Variants in NAV2 observed in about 807,000 individuals in gnomAD.
The protein encoded by NAV2 is neuron navigator 2, also known as helicase, APC down-regulated 1.
In NAV2, 54 loss-of-function variants were observed where a neutral mutation model predicts 223.2. That is an observed-to-expected ratio of 0.24 (90% CI 0.19 to 0.30). The LOEUF (loss-of-function observed/expected upper bound fraction) is 0.30, where lower values mean the gene tolerates loss of function less well. Among genes scored for constraint, NAV2 ranks in the 10% least tolerant of loss-of-function variants. The pLI is 1.00. For missense variants in NAV2, 2,806 were observed against 3,147.5 expected (o/e 0.89, Z 2.60); for synonymous variants, 1,279 against 1,239.3 (o/e 1.03, Z -0.67).
At chr11:19,519,271 G>A (rs1312774128) in intron 1 of NAV2, among the ~76,000 whole-genome samples, 2 of 151,694 alleles carry the variant, frequency 1.3e-5, no homozygotes, top group African/African-American at 4.8e-5. Context: ...CTTCCCAGGT[G>A]CCTGGATAAA....
intron 11 of NAV2, among the ~76,000 whole-genome samples, chr11:20,034,252 C>CT (rs2056102910): frequency 9.7e-6 from 1 of 103,394 alleles, no homozygotes; most frequent in Non-Finnish European, 2.1e-5. Context: ...CAATAATACC[C>CT]TTTTCCCCTA....
At chr11:20,106,575 T>C (rs1010577424) in intron 35 of NAV2, among the ~76,000 whole-genome samples, 13 of 130,596 alleles carry the variant, frequency 1.0e-4, no homozygotes, top group Non-Finnish European at 1.8e-4. Context: ...AAAAAAAAAA[T>C]CCTTTTTCAT....
chr11:19,976,247 T>C (rs1314006042), intron 10 of NAV2, among the ~76,000 whole-genome samples: 1 of 152,104 alleles, frequency 6.6e-6, no homozygotes, highest in East Asian at 1.9e-4. Context: ...GTCTCGGATA[T>C]TGCTTTTTAA....
In NAV2 at chr11:19,832,094, C is replaced by T. The variant is rs567427425; in HGVS notation, c.268-390C>T. On this transcript the variant is annotated intron_variant, in intron 1 of 37. Transcript: ENST00000349880. The stretch of plus-strand genomic sequence containing the variant: ...CCTGTTGGGTGGTAACCTCCCCATA[C>T]GTTTTCTCAATAAAGAGAAAAAGAT... Among the ~76,000 whole-genome samples, 576 of 152,200 alleles carry T rather than the reference C, an allele frequency of 3.8e-3. 1 individual carries two copies. The highest frequency in any genetic ancestry group is 0.013 in the African/African-American group (550 of 41,528).
intron 1 of NAV2, among the ~76,000 whole-genome samples, chr11:19,650,330 C>T (rs886619985): frequency 1.1e-4 from 16 of 152,124 alleles, no homozygotes; most frequent in African/African-American, 3.9e-4. Context: ...GTTAGGCTGC[C>T]ACAAGCCAAG....
chr11:19,781,042 T>C (rs1474398531), intron 1 of NAV2, among the ~76,000 whole-genome samples: 1 of 152,222 alleles, frequency 6.6e-6, no homozygotes, highest in Non-Finnish European at 1.5e-5. Context: ...ACTTTGAGCT[T>C]TATGTGTATG....
chr11:19,693,450 AT>A (rs1172299921), intron 1 of NAV2, among the ~76,000 whole-genome samples: 3 of 152,244 alleles, frequency 2.0e-5, no homozygotes, highest in African/African-American at 7.2e-5. Context: ...TGTACCATAA[AT>A]ATACCATAGC....
intron 1 of NAV2, among the ~76,000 whole-genome samples, chr11:19,818,990 C>G (rs1396310424): frequency 1.3e-5 from 2 of 152,184 alleles, no homozygotes; most frequent in Admixed American, 6.5e-5. Flanking sequence ...TCCATCTGAA[C>G]ATTCACCAGT....
chr11:19,598,759 C>T (rs933363758), intron 1 of NAV2, among the ~76,000 whole-genome samples: 1 of 152,158 alleles, frequency 6.6e-6, no homozygotes, highest in Admixed American at 6.5e-5. Flanking sequence ...AAGCTTTTGA[C>T]CAGTAGGTTA....
At chr11:19,808,326 A>G (rs566116164) in intron 1 of NAV2, among the ~76,000 whole-genome samples, 1 of 152,278 alleles carries the variant, frequency 6.6e-6, no homozygotes, top group Non-Finnish European at 1.5e-5. Flanking sequence ...TCAGCTCCTG[A>G]CTAGGAGCTG....
intron 8 of NAV2, among the ~76,000 whole-genome samples, chr11:19,944,070 G>A (rs1421321331): frequency 6.6e-6 from 1 of 152,034 alleles, no homozygotes; most frequent in African/African-American, 2.4e-5. Flanking sequence ...GTGTGGTGGC[G>A]GGCGCCTGTT....
rs988798935 is a variant in NAV2, at chr11:19,383,235, C to T, written c.75+32208C>T. 2.0e-5 allele frequency among the ~76,000 whole-genome samples: 3 copies of T among 152,126 alleles called. No homozygotes were observed. The East Asian group carries it at 5.8e-4, about 29-fold the overall frequency. On this transcript the variant is annotated intron_variant, in intron 1 of 37. Transcript: ENST00000360655. ...TGTGGCCATGTCAATGAATTCTAGC[C>T]AACAAAATATGAGCAGAAGAGCTGT...
chr11:19,973,874 G>A (rs1432538252), intron 10 of NAV2, among the ~76,000 whole-genome samples: 1 of 152,124 alleles, frequency 6.6e-6, no homozygotes. Flanking sequence ...GCTCCCTCTT[G>A]CCACTTGCCA....
intron 1 of NAV2, among the ~76,000 whole-genome samples, chr11:19,759,480 A>G (rs1223422487): frequency 6.6e-6 from 1 of 152,198 alleles, no homozygotes; most frequent in Non-Finnish European, 1.5e-5. Context: ...AGTGTTAGGA[A>G]AAATAGTCGG....
intron 1 of NAV2, among the ~76,000 whole-genome samples, chr11:19,632,483 C>A (rs2047375287): frequency 6.6e-6 from 1 of 152,094 alleles, no homozygotes; most frequent in East Asian, 1.9e-4. Flanking sequence ...TTTGATTATT[C>A]AACGAGCTTT....
intron 1 of NAV2, among the ~76,000 whole-genome samples, chr11:19,772,655 A>G (rs1488713909): frequency 6.6e-6 from 1 of 152,172 alleles, no homozygotes; most frequent in Admixed American, 6.5e-5. Flanking sequence ...GGGGTGCCAC[A>G]GTGCTTCTGA....
At chr11:20,062,138 T>C (rs1182320459) in intron 19 of NAV2, among the ~76,000 whole-genome samples, 169 bp from the exon 20 acceptor site, 2 of 152,218 alleles carry the variant, frequency 1.3e-5, no homozygotes, top group Non-Finnish European at 2.9e-5. Flanking sequence ...TAGCAAACTA[T>C]TACTTATTTG....
chr11:19,650,093 A>G (rs1001670773), intron 1 of NAV2, among the ~76,000 whole-genome samples: 3 of 152,236 alleles, frequency 2.0e-5, no homozygotes, highest in African/African-American at 7.2e-5. Context: ...AAAAAGATAT[A>G]TTGAAGTCCT....
In NAV2 at chr11:20,118,078, G is replaced by C. The variant is rs1177770135; in HGVS notation, c.7165-55G>C. ...GGTGGCATGACCTTTTAGGAGTCCA[G>C]GGTGGGCGGCCAACTAGACAGAAAG... On this transcript the variant is annotated intron_variant, in intron 37 of 37. Transcript: ENST00000349880. 3 of 1,605,908 alleles carry C rather than the reference G, an allele frequency of 1.9e-6. No homozygotes were observed. The African/African-American group carries it at 4.0e-5, about 21-fold the overall frequency.
Sources: gnomAD v4.1 joint callset for allele counts (sites outside exome capture counted in the v4.1 genomes callset) on GRCh38, gnomAD v4.1.1 for gene constraint, MANE v1.5 for transcripts, NCBI Gene and HGNC (gene_info 2026-07-23, HGNC 2026-07-21) for gene names.